Variants in GBE1 observed in about 807,000 individuals in gnomAD.
The protein encoded by GBE1 is 1,4-alpha-glucan-branching enzyme.
A neutral mutation model predicts 88.8 loss-of-function variants in GBE1; 70 were observed. That is an observed-to-expected ratio of 0.79 (90% CI 0.65 to 0.96). The LOEUF is 0.96. Ranked by LOEUF, GBE1 falls within the 40% of genes least tolerant of loss-of-function variation. The pLI, the probability that GBE1 is intolerant of heterozygous loss-of-function variation, is 0.00. For missense variants in GBE1, 872 were observed against 871.0 expected (o/e 1.00, Z -0.01); for synonymous variants, 284 against 300.1 (o/e 0.95, Z 0.56).
chr3:81,532,740 C>G (rs1703026201), intron 14 of GBE1, among the ~76,000 whole-genome samples: 1 of 152,102 alleles, frequency 6.6e-6, no homozygotes, highest in African/African-American at 2.4e-5. Flanking sequence ...TGATCTCCAT[C>G]TGTTTTCAGC....
At chr3:81,690,261 T>C (rs1576200861) in intron 2 of GBE1, among the ~76,000 whole-genome samples, 1 of 152,188 alleles carries the variant, frequency 6.6e-6, no homozygotes, top group South Asian at 2.1e-4. Flanking sequence ...AAGTCATATG[T>C]TCATCCCCTC....
chr3:81,576,382 A>C (rs1310032441), intron 12 of GBE1, among the ~76,000 whole-genome samples: 1 of 152,222 alleles, frequency 6.6e-6, no homozygotes, highest in Non-Finnish European at 1.5e-5. Context: ...CTACAGATAC[A>C]TAAGGATTTC....
chr3:81,530,455 T>C (rs750506696), intron 14 of GBE1, among the ~76,000 whole-genome samples: 14 of 151,952 alleles, frequency 9.2e-5, no homozygotes, highest in Non-Finnish European at 1.3e-4. Flanking sequence ...GTCAGCCTTG[T>C]TTATACTGAT....
At chr3:81,594,698 T>A (rs910613105) in intron 7 of GBE1, among the ~76,000 whole-genome samples, 1 of 152,050 alleles carries the variant, frequency 6.6e-6, no homozygotes, top group African/African-American at 2.4e-5. Context: ...TACAAAGTTT[T>A]ATGAGTTTAA....
chr3:81,750,630 C>CGTGT (rs1706506036), intron 1 of GBE1, among the ~76,000 whole-genome samples: 1 of 23,354 alleles, frequency 4.3e-5, no homozygotes, highest in African/African-American at 2.3e-4. Flanking sequence ...TATATATATA[C>CGTGT]GTATATATAT....
intron 1 of GBE1, among the ~76,000 whole-genome samples, chr3:81,761,019 C>T (rs1706673220): frequency 6.6e-6 from 1 of 152,210 alleles, no homozygotes; most frequent in Non-Finnish European, 1.5e-5. Flanking sequence ...CTAGTGGGTG[C>T]CAAAGTCAGA....
At chr3:81,664,710 G>C (rs1023465955) in intron 3 of GBE1, among the ~76,000 whole-genome samples, 1 of 152,174 alleles carries the variant, frequency 6.6e-6, no homozygotes, top group Non-Finnish European at 1.5e-5. Context: ...CACATGAACA[G>C]ATATTTGCAA....
intron 7 of GBE1, among the ~76,000 whole-genome samples, chr3:81,626,235 T>C (rs552912766): frequency 2.0e-5 from 3 of 152,320 alleles, no homozygotes; most frequent in Middle Eastern, 6.8e-3. Flanking sequence ...AAGGTAGTAG[T>C]AAAAATCTTC....
At chr3:81,572,219 C>T (rs890575007) in intron 12 of GBE1, among the ~76,000 whole-genome samples, 1 of 152,092 alleles carries the variant, frequency 6.6e-6, no homozygotes, top group Non-Finnish European at 1.5e-5. Context: ...TGAGGCCTCC[C>T]CAGCTATGCT....
At chr3:81,667,218 G>A (rs1183391082) in intron 3 of GBE1, among the ~76,000 whole-genome samples, 2 of 152,060 alleles carry the variant, frequency 1.3e-5, no homozygotes, top group African/African-American at 2.4e-5. Flanking sequence ...TTGTGAATGG[G>A]AGTTCATTCA....
chr3:81,506,496 G>A (rs1264190832), intron 14 of GBE1, among the ~76,000 whole-genome samples: 4 of 152,138 alleles, frequency 2.6e-5, no homozygotes, highest in African/African-American at 7.2e-5. Flanking sequence ...TGAACATTGT[G>A]GAAGACAGTG....
chr3:81,695,756 T>C (rs1049713822), intron 2 of GBE1, among the ~76,000 whole-genome samples: 4 of 152,196 alleles, frequency 2.6e-5, no homozygotes, highest in Non-Finnish European at 5.9e-5. Context: ...AACTCACTTA[T>C]GTGTCCATGG....
At chr3:81,652,008 C>T (rs1346410856) in intron 3 of GBE1, among the ~76,000 whole-genome samples, 1 of 152,184 alleles carries the variant, frequency 6.6e-6, no homozygotes, top group Non-Finnish European at 1.5e-5. Context: ...ATATCTTTTG[C>T]TGGGTATGCC....
intron 1 of GBE1, among the ~76,000 whole-genome samples, chr3:81,749,217 TAAAC>T (rs1358007050): frequency 6.6e-6 from 1 of 151,396 alleles, no homozygotes; most frequent in Non-Finnish European, 1.5e-5. Flanking sequence ...AACAGGTTAA[TAAAC>T]AAACTGGATG....
At chr3:81,527,978 C>T (rs1351703905) in intron 14 of GBE1, among the ~76,000 whole-genome samples, 4 of 151,930 alleles carry the variant, frequency 2.6e-5, no homozygotes, top group Non-Finnish European at 4.4e-5. Flanking sequence ...AAAGGTCCAA[C>T]AATGATAGAC....
At chr3:81,499,669 T>C (rs1034942121) in intron 14 of GBE1, among the ~76,000 whole-genome samples, 1 of 152,194 alleles carries the variant, frequency 6.6e-6, no homozygotes, top group African/African-American at 2.4e-5. Flanking sequence ...GCTAGATATA[T>C]TACTAAATAC....
At chr3:81,656,762 T>G (rs1704945040) in intron 3 of GBE1, among the ~76,000 whole-genome samples, 1 of 152,170 alleles carries the variant, frequency 6.6e-6, no homozygotes, top group Non-Finnish European at 1.5e-5. Flanking sequence ...TACAGTGAAC[T>G]TCACTAAACA....
intron 12 of GBE1, among the ~76,000 whole-genome samples, chr3:81,566,479 G>A (rs1339574426): frequency 6.6e-6 from 1 of 151,916 alleles, no homozygotes; most frequent in Admixed American, 6.6e-5. Context: ...TACAATCCTT[G>A]ATCAACACTA....
intron 12 of GBE1, among the ~76,000 whole-genome samples, chr3:81,543,691 C>A (rs944836137): frequency 6.6e-6 from 1 of 151,988 alleles, no homozygotes; most frequent in Non-Finnish European, 1.5e-5. Context: ...AATATGGTGA[C>A]CCAAATGAGC....
Sources: gnomAD v4.1 joint callset for allele counts (sites outside exome capture counted in the v4.1 genomes callset) on GRCh38, gnomAD v4.1.1 for gene constraint, MANE v1.5 for transcripts, NCBI Gene and HGNC (gene_info 2026-07-23, HGNC 2026-07-21) for gene names.